ZNF813: variants seen among roughly 807,000 people sequenced by gnomAD.
The protein encoded by ZNF813 is zinc finger protein 813.
ZNF813 carries 3 observed loss-of-function variants against 7.2 expected under a neutral mutation model. The observed-to-expected ratio is 0.42, with a 90% CI of 0.19 to 1.08. The LOEUF (loss-of-function observed/expected upper bound fraction) is 1.08. Ranked by LOEUF, ZNF813 falls within the 50% of genes least tolerant of loss-of-function variation. ZNF813 has a pLI of 0.30. For missense variants in ZNF813, 714 were observed against 753.3 expected (o/e 0.95, Z 0.61); for synonymous variants, 227 against 256.3 (o/e 0.89, Z 1.09).
chr19:53,482,459 C>T (rs1219384459), intron 1 of ZNF813, among the ~76,000 whole-genome samples: 1 of 152,204 alleles, frequency 6.6e-6, no homozygotes, highest in Non-Finnish European at 1.5e-5. Flanking sequence ...CTTATGACTC[C>T]CTCTGCCCCA....
intron 1 of ZNF813, among the ~76,000 whole-genome samples, chr19:53,472,729 C>T (rs547156031): frequency 6.6e-6 from 1 of 151,768 alleles, no homozygotes; most frequent in South Asian, 2.1e-4. Context: ...TCTCCTGCCC[C>T]ATCCTCCTGA....
chr19:53,483,678 G>A (rs1490352981), intron 1 of ZNF813, 72 bp from the exon 2 acceptor site: 2 of 1,440,988 alleles, frequency 1.4e-6, no homozygotes, highest in East Asian at 4.7e-5. Flanking sequence ...GGTCTCCTTT[G>A]TATGTGTTGT....
intron 1 of ZNF813, chr19:53,479,394 G>A: frequency 6.3e-7 from 1 of 1,590,438 alleles, no homozygotes; most frequent in South Asian, 1.1e-5. Flanking sequence ...GCAAGATCCA[G>A]GTTCTGCAGC....
rs375351117 is a variant in ZNF813 at position 53,491,629 on chromosome 19, G to A, written c.1397G>A (p.Arg466His). The A allele has an allele frequency of 1.7e-5, 28 of 1,609,744 alleles. No individual in the cohort carries two copies. Among genetic ancestry groups the A allele is most frequent in the Non-Finnish European group, 2.2e-5 (26 of 1,178,674 alleles). The part of the protein sequence containing the change: ...IHKAIHIGEK[R>H]YKCNECGKTF... ...AAGGCTATTCATATTGGAGAGAAAC[G>A]TTACAAGTGTAATGAGTGTGGCAAG... The change falls in exon 4 of 4, where the codon CGT becomes CAT. Residue 466 changes from arginine (R) to histidine (H), a missense_variant. Physicochemically the swap from Arg to His is conservative, Grantham distance 29. This residue lies in a region of ZNF813 where 563 missense variants were observed against 554.2 expected (regional missense o/e 1.02). Coordinates refer to ENST00000396403, the MANE Select transcript of ZNF813 (RefSeq NM_001004301.4).
At chr19:53,488,382 A>C (rs1600114362) in intron 3 of ZNF813, 2 of 272,692 alleles carry the variant, frequency 7.3e-6, no homozygotes, top group Non-Finnish European at 1.5e-5. Flanking sequence ...GGTTGGAGTG[A>C]CTCTTTAGAC....
At chr19:53,480,281 T>C in intron 1 of ZNF813, 1 of 736,564 alleles carries the variant, frequency 1.4e-6, no homozygotes, top group Non-Finnish European at 2.5e-6. Context: ...AGATTCCAGC[T>C]GGGCTAGAGG....
At chr19:53,470,006 A>G (rs560445164) in intron 1 of ZNF813, among the ~76,000 whole-genome samples, 1 of 151,622 alleles carries the variant, frequency 6.6e-6, no homozygotes, top group South Asian at 2.1e-4. Flanking sequence ...GGCTTACAGA[A>G]GCAAAATAAA....
chr19:53,491,100 C>T lies in ZNF813; in HGVS notation c.868C>T (p.Arg290Cys), dbSNP rs375807466. Residue 290 changes from arginine (R) to cysteine (C), a missense_variant, in exon 4 of 4, where the codon CGT becomes TGT. By Grantham distance (180) the Arg-to-Cys change is radical (BLOSUM62 -3). Coordinates refer to ENST00000396403, the MANE Select transcript of ZNF813 (RefSeq NM_001004301.4). ...FSQTYSLTCHRRLHTGEKPYK... is the reference protein window; with the variant it reads ...FSQTYSLTCHCRLHTGEKPYK... The stretch of plus-strand genomic sequence containing the variant: ...TCAGACGTATTCCCTTACATGCCAT[C>T]GTAGACTTCATACTGGAGAGAAACC... 1.3e-5 allele frequency: 21 copies of T among 1,613,916 alleles called. No individual in the cohort carries two copies. In the African/African-American group the frequency reaches 1.9e-4, roughly 14 times the overall value.
At chr19:53,485,622 G>A (rs964495030) in intron 2 of ZNF813, among the ~76,000 whole-genome samples, 1 of 99,600 alleles carries the variant, frequency 1.0e-5, no homozygotes, top group Non-Finnish European at 2.2e-5. Flanking sequence ...ATATATACAT[G>A]CATGTCGTGA....
In ZNF813 at chr19:53,494,652, AAAAAAG is replaced by A. The variant is rs540016321; in HGVS notation, c.*2571_*2576del. ...GAGCGAAACTCTGTCTCAAAAAAAAAAAAAAGAAAAGAAAAGAAAAGAGACTCTATC... is the reference window on the plus strand; with the variant it reads ...GAGCGAAACTCTGTCTCAAAAAAAAAAAAAGAAAAGAAAAGAGACTCTATC... On this transcript the variant is annotated 3_prime_UTR_variant, in exon 4 of 4. Coordinates refer to ENST00000396403, the MANE Select transcript of ZNF813 (RefSeq NM_001004301.4). 17,686 of 145,410 alleles carry A rather than the reference AAAAAAG, an allele frequency of 0.12. 1,049 individuals carry two copies. The highest frequency in any genetic ancestry group is 0.18 in the African/African-American group (6,648 of 37,912). The allele number at this position is 145,410 out of a possible 1,614,324, so 9.0% of individuals were successfully genotyped here.
At position 53,492,011 on chromosome 19, in the gene ZNF813, C is replaced by A. The variant is rs1434734346; in HGVS notation, c.1779C>A (p.Asn593Lys). The A allele has an allele frequency of 1.2e-6, 2 of 1,613,758 alleles. No individual in the cohort carries two copies. Among genetic ancestry groups the A allele is most frequent in the Non-Finnish European group, 1.7e-6 (2 of 1,179,950 alleles). The part of the protein sequence containing the change: ...ECGKVFNQKA[N>K]LARHHRLHTG... ...GCAAGGTTTTTAATCAAAAAGCAAA[C>A]CTTGCACGTCATCATAGACTTCATA... The change falls in exon 4 of 4, where the codon AAC (asparagine) becomes AAA (lysine). Residue 593 changes from asparagine to lysine, a missense_variant. This residue lies in a region of ZNF813 where 122 missense variants were observed against 146.8 expected (regional missense o/e 0.83). Transcript: ENST00000396403.
Position 53,493,769 on chromosome 19 carries a change from T to TCTTC in ZNF813, c.*1683_*1684insCTTC, listed in dbSNP as rs1487915791. On this transcript the variant is annotated 3_prime_UTR_variant, in exon 4 of 4. Transcript: ENST00000396403. The stretch of plus-strand genomic sequence containing the variant: ...TAATTTTACTTCTTTCTTTCTGATT[T>TCTTC]GGATGGGTTTGATTTCTTTTGCTAT... 5.9e-5 allele frequency: 9 copies of TCTTC among 152,346 alleles called. No homozygotes were observed. In the East Asian group the frequency reaches 1.5e-3, roughly 26 times the overall value. 9.4% of individuals were successfully genotyped at this position (152,346 alleles called of 1,614,324 possible).
chr19:53,489,727 C>T (rs549754866), intron 3 of ZNF813, among the ~76,000 whole-genome samples: 2 of 152,236 alleles, frequency 1.3e-5, no homozygotes, highest in Admixed American at 1.3e-4. Context: ...GAGATTAAGT[C>T]TCACTTTGTT....
intron 1 of ZNF813, among the ~76,000 whole-genome samples, chr19:53,478,791 A>G (rs1179541000): frequency 6.6e-6 from 1 of 152,124 alleles, no homozygotes; most frequent in Non-Finnish European, 1.5e-5. Context: ...AAAACAAGCA[A>G]GCAAACAAAA....
chr19:53,473,485 G>A (rs1568827113), intron 1 of ZNF813, among the ~76,000 whole-genome samples: 1 of 152,234 alleles, frequency 6.6e-6, no homozygotes, highest in Non-Finnish European at 1.5e-5. Flanking sequence ...TCTGGGTCTT[G>A]CTGGCTGGTC....
intron 1 of ZNF813, among the ~76,000 whole-genome samples, chr19:53,472,290 A>C (rs2086363304): frequency 6.6e-6 from 1 of 152,166 alleles, no homozygotes; most frequent in Non-Finnish European, 1.5e-5. Context: ...GATATGCAAT[A>C]CTGAGAATCT....
intron 1 of ZNF813, among the ~76,000 whole-genome samples, chr19:53,471,525 T>A (rs1043559130): frequency 5.3e-5 from 8 of 152,118 alleles, no homozygotes; most frequent in African/African-American, 1.9e-4. Flanking sequence ...GCTAGGGGCT[T>A]AAGGCTGGGT....
chr19:53,490,415 A>G lies in ZNF813; in HGVS notation c.183A>G (p.Thr61=), dbSNP rs1345275643. ...SKCMMKEFSS[T]AQGNREVIHT... ...GCATGATGAAGGAGTTCTCATCAAC[A>G]GCACAAGGCAATAGAGAAGTGATCC... is the stretch of plus-strand genomic sequence containing the variant. Residue 61 remains threonine, a synonymous_variant, in exon 4 of 4, where the codon ACA becomes ACG. Transcript: ENST00000396403. 1 of 1,613,942 alleles carries G rather than the reference A, an allele frequency of 6.2e-7. No homozygotes were observed. Among genetic ancestry groups the G allele is most frequent in the Non-Finnish European group, 8.5e-7 (1 of 1,179,998 alleles).
At position 53,491,686 on chromosome 19, in the gene ZNF813, A is replaced by G. The variant is rs1210499624; in HGVS notation, c.1454A>G (p.His485Arg). Residue 485 changes from histidine (H) to arginine (R), a missense_variant, in exon 4 of 4, where the codon CAT becomes CGT. Coordinates refer to ENST00000396403, the MANE Select transcript of ZNF813 (RefSeq NM_001004301.4). ...AGTCGAATTTCAGCCCTCGTAATTC[A>G]TACGGCAATTCATACTGGAGAGAAA... ...TFSRISALVI[H>R]TAIHTGEKPY... 4 of 1,613,920 alleles carry G rather than the reference A, an allele frequency of 2.5e-6. No individual in the cohort carries two copies. Among genetic ancestry groups the G allele is most frequent in the Non-Finnish European group, 3.4e-6 (4 of 1,179,930 alleles).
Sources: gnomAD v4.1 joint callset for allele counts (sites outside exome capture counted in the v4.1 genomes callset) on GRCh38, gnomAD v4.1.1 for gene constraint, gnomAD v4.1.1 regional missense constraint, MANE v1.5 for transcripts, NCBI Gene and HGNC (gene_info 2026-07-23, HGNC 2026-07-21) for gene names.